Variants in NBEA observed in about 807,000 individuals in gnomAD.
NBEA encodes neurobeachin, also known as lysosomal-trafficking regulator 2.
NBEA carries 44 observed loss-of-function variants against 343.4 expected under a neutral mutation model. The observed-to-expected ratio is 0.13, with a 90% CI of 0.10 to 0.16. The LOEUF (loss-of-function observed/expected upper bound fraction) is 0.16. Among genes scored for constraint, NBEA ranks in the 10% least tolerant of loss-of-function variants. NBEA has a pLI of 1.00. For synonymous variants in NBEA, 1,175 were observed against 1,238.7 expected (o/e 0.95, Z 1.08); for missense variants, 2,555 against 3,631.3 (o/e 0.70, Z 7.62).
chr13:34,978,381 G>A (rs1566114396), intron 1 of NBEA, among the ~76,000 whole-genome samples: 1 of 152,070 alleles, frequency 6.6e-6, no homozygotes, highest in Non-Finnish European at 1.5e-5. Context: ...TCACATATCT[G>A]TATTTTTATG....
At chr13:35,662,469 A>G (rs997661354) in intron 55 of NBEA, among the ~76,000 whole-genome samples, 3 of 152,204 alleles carry the variant, frequency 2.0e-5, no homozygotes, top group Non-Finnish European at 4.4e-5. Flanking sequence ...GGGGTGTGTG[A>G]CATCTGTCCC....
chr13:35,344,489 A>T (rs185252334), intron 36 of NBEA, among the ~76,000 whole-genome samples: 150 of 151,442 alleles, frequency 9.9e-4, no homozygotes, highest in African/African-American at 3.5e-3. Flanking sequence ...TTTATTCATT[A>T]ACTAATAATA....
Position 35,118,211 on chromosome 13 carries a change from T to C in NBEA, c.2083-17T>C, listed in dbSNP as rs563651310. 7.0e-7 allele frequency: 1 copy of C among 1,421,172 alleles called. No individual in the cohort carries two copies. Among genetic ancestry groups the C allele is most frequent in the African/African-American group, 1.4e-5 (1 of 69,190 alleles). 88.0% of individuals were successfully genotyped at this position (1,421,172 alleles called of 1,614,324 possible). ...TAATTTTAGATGTAAAGTAATAAAA[T>C]ATTTTTTAAAAATTAGGATCGAGGG... On this transcript the variant is annotated splice_polypyrimidine_tract_variant and intron_variant, in intron 14 of 58. Coordinates refer to ENST00000379939, the MANE Select transcript of NBEA (RefSeq NM_001385012.1).
At chr13:34,965,026 C>T (rs904312008) in intron 1 of NBEA, among the ~76,000 whole-genome samples, 20 of 151,990 alleles carry the variant, frequency 1.3e-4, no homozygotes, top group African/African-American at 4.6e-4. Context: ...CTTGGTGATA[C>T]ATATTATGGT....
At chr13:35,080,155 G>C (rs74051243) in intron 10 of NBEA, among the ~76,000 whole-genome samples, 4,265 of 152,086 alleles carry the variant, frequency 0.028, 90 homozygotes, top group South Asian at 0.075. Flanking sequence ...GAGAGTATAG[G>C]GGTCATGTAC....
intron 38 of NBEA, among the ~76,000 whole-genome samples, chr13:35,372,583 C>CTG (rs1486954096): frequency 6.6e-6 from 1 of 152,182 alleles, no homozygotes; most frequent in African/African-American, 2.4e-5. Context: ...AACAACTGCA[C>CTG]TGTGGCCTTT....
intron 34 of NBEA, among the ~76,000 whole-genome samples, chr13:35,240,706 C>CT (rs2030102666): frequency 6.6e-6 from 1 of 151,320 alleles, no homozygotes; most frequent in East Asian, 1.9e-4. Flanking sequence ...AGAAATAACT[C>CT]TATGATTTAG....
intron 37 of NBEA, among the ~76,000 whole-genome samples, chr13:35,351,181 T>C (rs1325679704): frequency 4.6e-5 from 7 of 151,972 alleles, no homozygotes; most frequent in Admixed American, 2.0e-4. Flanking sequence ...TCAAGTACCT[T>C]CCATGAAATA....
chr13:35,130,624 A>T, intron 17 of NBEA, among the ~76,000 whole-genome samples: 1 of 151,984 alleles, frequency 6.6e-6, no homozygotes, highest in East Asian at 1.9e-4. Context: ...ATTTTAACAT[A>T]TTTTTTTCCT....
intron 36 of NBEA, among the ~76,000 whole-genome samples, chr13:35,348,681 T>A (rs1293384957): frequency 2.6e-5 from 4 of 152,008 alleles, no homozygotes; most frequent in African/African-American, 7.2e-5. Flanking sequence ...CCTATATTTT[T>A]AAAAATTTTA....
At chr13:35,496,269 A>G (rs774234191) in intron 41 of NBEA, among the ~76,000 whole-genome samples, 2 of 151,982 alleles carry the variant, frequency 1.3e-5, no homozygotes, top group Non-Finnish European at 2.9e-5. Context: ...GACTAGAGTC[A>G]CATGCCACTG....
At chr13:35,490,566 TAA>T (rs2076463992) in intron 41 of NBEA, among the ~76,000 whole-genome samples, 1 of 151,936 alleles carries the variant, frequency 6.6e-6, no homozygotes, top group South Asian at 2.1e-4. Context: ...ACCTTCTGCC[TAA>T]AAGTCAGCTA....
chr13:35,118,390 A>G lies in NBEA; in HGVS notation c.2159A>G (p.His720Arg). Reference sequence around the variant, plus strand: ...TGATTTATGCAGGATGAAAATATTCATGATGTGCTACAGTTACTGGTGGCT... The same window carrying G: ...TGATTTATGCAGGATGAAAATATTCGTGATGTGCTACAGTTACTGGTGGCT... The part of the protein sequence containing the change: ...LLTMHEDENI[H>R]DVLQLLVALM... The change falls in exon 16 of 59, where the codon CAT becomes CGT. Residue 720 changes from histidine to arginine, a missense_variant. His to Arg is a conservative substitution (Grantham distance 29). This residue lies in a region of NBEA where 360 missense variants were observed against 519.1 expected (regional missense o/e 0.69). Coordinates refer to ENST00000379939, the MANE Select transcript of NBEA (RefSeq NM_001385012.1). The G allele has an allele frequency of 6.2e-7, 1 of 1,604,690 alleles. No individual in the cohort carries two copies. Among genetic ancestry groups the G allele is most frequent in the Non-Finnish European group, 8.5e-7 (1 of 1,175,712 alleles).
intron 58 of NBEA, among the ~76,000 whole-genome samples, chr13:35,669,608 G>A (rs971054927): frequency 6.6e-6 from 1 of 152,178 alleles, no homozygotes; most frequent in African/African-American, 2.4e-5. Context: ...AATGGGAATG[G>A]TTTGTTGTGT....
At chr13:35,032,885 A>G (rs536486144) in intron 1 of NBEA, among the ~76,000 whole-genome samples, 2 of 151,636 alleles carry the variant, frequency 1.3e-5, no homozygotes, top group East Asian at 1.9e-4. Flanking sequence ...CTTGAGCTCC[A>G]TATGTATTCT....
At chr13:35,313,502 G>A (rs2037508415) in intron 36 of NBEA, among the ~76,000 whole-genome samples, 1 of 152,176 alleles carries the variant, frequency 6.6e-6, no homozygotes. Context: ...AAGGAAGAAT[G>A]TATGGTCAAA....
chr13:35,014,584 G>C (rs548027697), intron 1 of NBEA, among the ~76,000 whole-genome samples: 69 of 152,266 alleles, frequency 4.5e-4, no homozygotes, highest in African/African-American at 1.5e-3. Context: ...TCTGCTAAAA[G>C]GTTTTAGCAG....
chr13:35,222,895 G>A (rs958183477), intron 33 of NBEA, among the ~76,000 whole-genome samples: 1 of 152,162 alleles, frequency 6.6e-6, no homozygotes, highest in Admixed American at 6.5e-5. Context: ...TGGGGAGGCT[G>A]AGGCGGGTGA....
intron 38 of NBEA, among the ~76,000 whole-genome samples, chr13:35,376,463 G>A (rs1265222426): frequency 6.6e-6 from 1 of 152,024 alleles, no homozygotes; most frequent in Non-Finnish European, 1.5e-5. Context: ...TATAATTATA[G>A]TGTTACTATT....
Sources: gnomAD v4.1 joint callset for allele counts (sites outside exome capture counted in the v4.1 genomes callset) on GRCh38, gnomAD v4.1.1 for gene constraint, gnomAD v4.1.1 regional missense constraint, MANE v1.5 for transcripts, NCBI Gene and HGNC (gene_info 2026-07-23, HGNC 2026-07-21) for gene names.